PRIMA1: variants seen among roughly 807,000 people sequenced by gnomAD.
PRIMA1 encodes proline-rich membrane anchor 1.
In PRIMA1, 7 loss-of-function variants were observed where a neutral mutation model predicts 17.5. The observed-to-expected ratio is 0.40, with a 90% CI of 0.23 to 0.75. The LOEUF (loss-of-function observed/expected upper bound fraction) is 0.75, where lower values mean the gene tolerates loss of function less well. Ranked by LOEUF, PRIMA1 falls within the 30% of genes least tolerant of loss-of-function variation. The pLI, the probability that PRIMA1 is intolerant of heterozygous loss-of-function variation, is 0.37. For synonymous variants in PRIMA1, 97 were observed against 77.9 expected (o/e 1.25, Z -1.29); for missense variants, 200 against 201.8 (o/e 0.99, Z 0.05).
At chr14:93,734,691 ACAT>A (rs2076137937) in intron 4 of PRIMA1, among the ~76,000 whole-genome samples, 1 of 150,870 alleles carries the variant, frequency 6.6e-6, no homozygotes, top group African/African-American at 2.4e-5. Context: ...CGCCCACACC[ACAT>A]AAGGATCCCC....
chr14:93,747,661 TGA>T (rs761809446), intron 3 of PRIMA1, among the ~76,000 whole-genome samples: 10 of 147,868 alleles, frequency 6.8e-5, no homozygotes, highest in East Asian at 2.0e-4. Context: ...TATGAGTGTG[TGA>T]GAGTGAGTGT....
At chr14:93,742,788 C>T (rs1305796616) in intron 3 of PRIMA1, among the ~76,000 whole-genome samples, 2 of 152,178 alleles carry the variant, frequency 1.3e-5, no homozygotes, top group Non-Finnish European at 2.9e-5. Context: ...GGAAAGACTT[C>T]AAGACACTGC....
intron 3 of PRIMA1, among the ~76,000 whole-genome samples, chr14:93,757,226 GGAAA>G (rs750411354): frequency 6.8e-6 from 1 of 146,510 alleles, no homozygotes; most frequent in African/African-American, 2.6e-5. Flanking sequence ...AAGGAAGGAA[GGAAA>G]GAAGGAAGGA....
intron 3 of PRIMA1, among the ~76,000 whole-genome samples, chr14:93,766,513 A>G (rs1184577107): frequency 1.3e-5 from 2 of 152,162 alleles, no homozygotes; most frequent in African/African-American, 4.8e-5. Context: ...CTCCCACTCA[A>G]ATGAGTTTGC....
intron 4 of PRIMA1, among the ~76,000 whole-genome samples, chr14:93,727,762 C>CT (rs1260607706): frequency 6.6e-6 from 1 of 152,190 alleles, no homozygotes; most frequent in East Asian, 1.9e-4. Flanking sequence ...GTCACGGAAC[C>CT]CCCCTTCACC....
chr14:93,742,265 G>C (rs1212373365), intron 3 of PRIMA1, among the ~76,000 whole-genome samples: 1 of 152,226 alleles, frequency 6.6e-6, no homozygotes, highest in African/African-American at 2.4e-5. Flanking sequence ...CCTTGAGAGA[G>C]TTTCCAAAAC....
At position 93,742,076 on chromosome 14, in the gene PRIMA1, A is replaced by T. The variant is rs913406761; in HGVS notation, c.230-4706T>A. ...TGAGATGCATCGTTAAAAGCTTTGG[A>T]CTTCTGCTTCCAGCCAAGATGGAGT... On this transcript the variant is annotated intron_variant, in intron 3 of 4. Transcript: ENST00000393140. Among the ~76,000 whole-genome samples, 3 of 152,128 alleles carry T rather than the reference A, an allele frequency of 2.0e-5. No homozygotes were observed. The East Asian group carries it at 5.8e-4, about 29-fold the overall frequency.
At chr14:93,742,500 G>A (rs949045736) in intron 3 of PRIMA1, among the ~76,000 whole-genome samples, 1 of 152,226 alleles carries the variant, frequency 6.6e-6, no homozygotes, top group Non-Finnish European at 1.5e-5. Flanking sequence ...ATGGATGTTT[G>A]CAGAAGAAGC....
chr14:93,729,708 G>C (rs1226903487), intron 4 of PRIMA1, among the ~76,000 whole-genome samples: 1 of 152,230 alleles, frequency 6.6e-6, no homozygotes, highest in African/African-American at 2.4e-5. Context: ...TGGCACAGTA[G>C]GTGTGTCCTG....
chr14:93,756,103 TGCTATGTTGTCCAG>T (rs1316957165), intron 3 of PRIMA1, among the ~76,000 whole-genome samples: 13 of 152,200 alleles, frequency 8.5e-5, no homozygotes, highest in African/African-American at 2.7e-4. Context: ...GTCTGGGTCT[TGCTATGTTGTCCAG>T]GCTGGTCAAC....
intron 3 of PRIMA1, among the ~76,000 whole-genome samples, chr14:93,741,738 G>A (rs2076185613): frequency 6.6e-6 from 1 of 152,152 alleles, no homozygotes; most frequent in Non-Finnish European, 1.5e-5. Context: ...TGAGAGACAG[G>A]TGGTCAGACA....
chr14:93,746,407 C>T (rs183240350), intron 3 of PRIMA1, among the ~76,000 whole-genome samples: 10 of 152,090 alleles, frequency 6.6e-5, no homozygotes, highest in South Asian at 4.2e-4. Flanking sequence ...GACTGGAATT[C>T]GGCAGGGAGT....
chr14:93,753,670 A>C (rs1421895335), intron 3 of PRIMA1, among the ~76,000 whole-genome samples: 1 of 152,164 alleles, frequency 6.6e-6, no homozygotes, highest in East Asian at 1.9e-4. Flanking sequence ...AAGGCCCGAC[A>C]ACAGAGCTTT....
chr14:93,721,347 T>A lies in PRIMA1; in HGVS notation c.*97A>T, dbSNP rs930243406. The A allele has an allele frequency of 4.0e-6, 3 of 754,942 alleles. No individual in the cohort carries two copies. The highest frequency in any genetic ancestry group is 6.8e-6 in the Non-Finnish European group (3 of 443,980). The allele number at this position is 754,942 out of a possible 1,614,324, so 46.8% of individuals were successfully genotyped here. A position where few individuals can be genotyped will look rare whatever the true frequency, so the allele number is the denominator to read the frequency against. Reference sequence around the variant, plus strand: ...CAGGGCCTGTGAGGCAATGAAGTCCTGGACAAGCTCAGGGTTAGCTCATGT... The same window carrying A: ...CAGGGCCTGTGAGGCAATGAAGTCCAGGACAAGCTCAGGGTTAGCTCATGT... On this transcript the variant is annotated 3_prime_UTR_variant, in exon 5 of 5. Coordinates refer to ENST00000393140, the MANE Select transcript of PRIMA1 (RefSeq NM_178013.4).
rs187319462 is a variant in PRIMA1 at position 93,751,393 on chromosome 14, C to T, written c.230-14023G>A. 1.3e-4 allele frequency among the ~76,000 whole-genome samples: 20 copies of T among 152,344 alleles called. No homozygotes were observed. In the East Asian group the frequency reaches 3.3e-3, roughly 25 times the overall value. ...CCCCCCTGCTCCACCCTACCACTTC[C>T]GTTGCCTCCTCAGTCTCTCCTGGGG... On this transcript the variant is annotated intron_variant, in intron 3 of 4. Coordinates refer to ENST00000393140, the MANE Select transcript of PRIMA1 (RefSeq NM_178013.4).
At chr14:93,786,749 G>A (rs74919144) in intron 2 of PRIMA1, among the ~76,000 whole-genome samples, 23 of 152,144 alleles carry the variant, frequency 1.5e-4, no homozygotes, top group South Asian at 8.3e-4. Flanking sequence ...GCAGAAGAAC[G>A]GCATTGCTAT....
chr14:93,731,226 A>G (rs1194943176), intron 4 of PRIMA1, among the ~76,000 whole-genome samples: 2 of 152,236 alleles, frequency 1.3e-5, no homozygotes, highest in African/African-American at 4.8e-5. Context: ...AGTATGTTGT[A>G]TGTCTGTACT....
chr14:93,722,147 G>C (rs375311025), intron 4 of PRIMA1, among the ~76,000 whole-genome samples: 8 of 5,932 alleles, frequency 1.3e-3, no homozygotes, highest in East Asian at 3.1e-3. Flanking sequence ...GGTGATGGTG[G>C]TAGTGGTGAT....
intron 1 of PRIMA1, among the ~76,000 whole-genome samples, chr14:93,788,021 C>A (rs1885576163): frequency 6.6e-6 from 1 of 152,172 alleles, no homozygotes; most frequent in Non-Finnish European, 1.5e-5. Flanking sequence ...TACCTTGGCC[C>A]CATGGACACC....
Sources: allele counts gnomAD v4.1 joint callset (sites outside exome capture counted in the v4.1 genomes callset), GRCh38; gene constraint gnomAD v4.1.1; transcripts MANE v1.5; gene names NCBI Gene and HGNC (gene_info 2026-07-23, HGNC 2026-07-21).